Variants in PRKCA observed in about 807,000 individuals in gnomAD.
PRKCA encodes the protein protein kinase C alpha type.
A neutral mutation model predicts 87.0 loss-of-function variants in PRKCA; 27 were observed. That is an observed-to-expected ratio of 0.31 (90% confidence interval 0.23 to 0.43). The LOEUF (loss-of-function observed/expected upper bound fraction) is 0.43, where lower values mean the gene tolerates loss of function less well. Among genes scored for constraint, PRKCA ranks in the 20% least tolerant of loss-of-function variants. The pLI is 1.00. For synonymous variants in PRKCA, 329 were observed against 311.1 expected (o/e 1.06, Z -0.61); for missense variants, 518 against 852.3 (o/e 0.61, Z 4.88).
intron 3 of PRKCA, among the ~76,000 whole-genome samples, chr17:66,585,232 A>G (rs915975718): frequency 6.6e-6 from 1 of 152,144 alleles, no homozygotes. Context: ...GGCCAGCGCC[A>G]TGTTGCCTGC....
rs139254401 is a variant in PRKCA, at chr17:66,380,418, T to C, written c.205+74291T>C. Among the ~76,000 whole-genome samples, 359 of 152,272 alleles carry C rather than the reference T, an allele frequency of 2.4e-3. 10 individuals are homozygous for C. The East Asian group carries it at 0.064, about 27-fold the overall frequency. The stretch of plus-strand genomic sequence containing the variant: ...AATATTAGATACCTCATGGGGTTCT[T>C]GTGAGGATTAGAAAAGTTTATTAAA... On this transcript the variant is annotated intron_variant, in intron 2 of 16. Coordinates refer to ENST00000413366, the MANE Select transcript of PRKCA (RefSeq NM_002737.3).
At chr17:66,309,828 C>T (rs1905006068) in intron 2 of PRKCA, among the ~76,000 whole-genome samples, 2 of 152,048 alleles carry the variant, frequency 1.3e-5, no homozygotes, top group African/African-American at 4.8e-5. Flanking sequence ...GAGAAGAAGA[C>T]AGGAAGTAGA....
chr17:66,344,564 G>A (rs571006788), intron 2 of PRKCA, among the ~76,000 whole-genome samples: 3 of 152,306 alleles, frequency 2.0e-5, no homozygotes, highest in African/African-American at 7.2e-5. Flanking sequence ...CCCCATGCTG[G>A]CTAAGTTACA....
intron 2 of PRKCA, among the ~76,000 whole-genome samples, chr17:66,370,790 T>C (rs1329277088): frequency 6.6e-6 from 1 of 152,122 alleles, no homozygotes. Context: ...ACTCAAGCGA[T>C]CCACCACTGC....
At chr17:66,419,477 A>G (rs1277436746) in intron 2 of PRKCA, among the ~76,000 whole-genome samples, 1 of 152,190 alleles carries the variant, frequency 6.6e-6, no homozygotes, top group Non-Finnish European at 1.5e-5. Flanking sequence ...AAACGAAATA[A>G]TAGTTTAAAA....
Position 66,587,830 on chromosome 17 carries a change from C to T in PRKCA, c.289-53525C>T, listed in dbSNP as rs866029316. On this transcript the variant is annotated intron_variant, in intron 3 of 16. Transcript: ENST00000413366. ...GTGTGTGTATATGTATACATATATA[C>T]GTATATGTGTGTATCTACATATACA... is the stretch of plus-strand genomic sequence containing the variant. 1.0e-3 allele frequency among the ~76,000 whole-genome samples: 81 copies of T among 80,042 alleles called. 7 individuals are homozygous for T. The highest frequency in any genetic ancestry group is 2.9e-3 in the East Asian group (10 of 3,420). The allele number at this position is 80,042 out of a possible 152,430, so 52.5% of individuals were successfully genotyped here.
At chr17:66,786,475 C>T (rs1975394587) in intron 14 of PRKCA, among the ~76,000 whole-genome samples, 1 of 152,304 alleles carries the variant, frequency 6.6e-6, no homozygotes, top group Non-Finnish European at 1.5e-5. Context: ...GCATTTTCTA[C>T]CGGCCACCCC....
At chr17:66,668,313 T>A (rs1972092052) in intron 5 of PRKCA, among the ~76,000 whole-genome samples, 1 of 152,184 alleles carries the variant, frequency 6.6e-6, no homozygotes, top group Non-Finnish European at 1.5e-5. Context: ...GTCCTGAGGG[T>A]TAGCAGCTCT....
intron 13 of PRKCA, among the ~76,000 whole-genome samples, chr17:66,748,535 G>T (rs1284447537): frequency 2.0e-5 from 3 of 152,200 alleles, no homozygotes; most frequent in Non-Finnish European, 2.9e-5. Context: ...TGTTCATGAA[G>T]TCAGGGTGGC....
chr17:66,367,861 C>T (rs1908825420), intron 2 of PRKCA, among the ~76,000 whole-genome samples: 1 of 152,126 alleles, frequency 6.6e-6, no homozygotes, highest in African/African-American at 2.4e-5. Flanking sequence ...GGTGAAAGAC[C>T]CTCTGCAAAA....
intron 14 of PRKCA, among the ~76,000 whole-genome samples, chr17:66,779,950 G>A (rs752481389): frequency 1.3e-5 from 2 of 152,156 alleles, no homozygotes; most frequent in Non-Finnish European, 2.9e-5. Flanking sequence ...CAGGCTAAGT[G>A]GCTGGCAGTA....
intron 3 of PRKCA, among the ~76,000 whole-genome samples, chr17:66,615,427 G>A (rs2143662626): frequency 6.6e-6 from 1 of 152,242 alleles, no homozygotes; most frequent in East Asian, 1.9e-4. Flanking sequence ...GAGGAGTCTG[G>A]TCTGGGAAGT....
chr17:66,370,183 G>T (rs1289870380), intron 2 of PRKCA, among the ~76,000 whole-genome samples: 1 of 149,758 alleles, frequency 6.7e-6, no homozygotes, highest in Non-Finnish European at 1.5e-5. Context: ...CAGTGGCACA[G>T]ACATAATTAT....
chr17:66,456,672 C>T (rs183245832), intron 2 of PRKCA, among the ~76,000 whole-genome samples: 3 of 152,178 alleles, frequency 2.0e-5, no homozygotes, highest in East Asian at 1.9e-4. Context: ...GGACTGACTG[C>T]GAGGCAAGTG....
chr17:66,735,588 G>A lies in PRKCA; in HGVS notation c.1156G>A (p.Val386Ile). The A allele has an allele frequency of 6.2e-7, 1 of 1,614,152 alleles. No homozygotes were observed. Among genetic ancestry groups the A allele is most frequent in the Non-Finnish European group, 8.5e-7 (1 of 1,180,034 alleles). ...IQDDDVECTM[V>I]EKRVLALLDK... ...GGATGATGACGTGGAGTGCACCATG[G>A]TAGAAAAGCGAGTCTTGGCCCTGCT... The change falls in exon 10 of 17, where the codon GTA becomes ATA. Residue 386 changes from valine to isoleucine, a missense_variant. By Grantham distance (29) the Val-to-Ile change is conservative (BLOSUM62 3). Around this residue, in one of 5 missense-constraint regions of PRKCA, gnomAD observed 300 missense variants for 496.8 expected, o/e 0.60. Coordinates refer to ENST00000413366, the MANE Select transcript of PRKCA (RefSeq NM_002737.3).
At chr17:66,307,217 T>G (rs764847981) in intron 2 of PRKCA, among the ~76,000 whole-genome samples, 1 of 152,204 alleles carries the variant, frequency 6.6e-6, no homozygotes, top group Non-Finnish European at 1.5e-5. Flanking sequence ...TTAAAACCCC[T>G]ACTGAGTGTA....
chr17:66,667,056 T>A (rs989451222), intron 5 of PRKCA, among the ~76,000 whole-genome samples: 1 of 152,188 alleles, frequency 6.6e-6, no homozygotes, highest in African/African-American at 2.4e-5. Context: ...AGACTGAATA[T>A]AAAAACTCAC....
intron 3 of PRKCA, among the ~76,000 whole-genome samples, chr17:66,518,813 C>A (rs1316713495): frequency 1.3e-5 from 2 of 152,196 alleles, no homozygotes; most frequent in African/African-American, 4.8e-5. Context: ...GTACTCTCCT[C>A]ATTCTCTTTC....
intron 2 of PRKCA, among the ~76,000 whole-genome samples, chr17:66,332,843 C>T (rs1412706860): frequency 2.6e-5 from 4 of 152,212 alleles, no homozygotes; most frequent in Non-Finnish European, 4.4e-5. Flanking sequence ...AGGTGCCCGC[C>T]ACCACGCCTG....
Sources: gnomAD v4.1 joint callset for allele counts (sites outside exome capture counted in the v4.1 genomes callset) on GRCh38, gnomAD v4.1.1 for gene constraint, gnomAD v4.1.1 regional missense constraint, MANE v1.5 for transcripts, NCBI Gene and HGNC (gene_info 2026-07-23, HGNC 2026-07-21) for gene names.